Variants in CACNA2D1 observed in about 807,000 individuals in gnomAD.
The protein encoded by CACNA2D1 is voltage-dependent calcium channel subunit alpha-2/delta-1.
In CACNA2D1, 53 loss-of-function variants were observed where a neutral mutation model predicts 171.5. The ratio of observed to expected loss-of-function variants is 0.31; its 90% CI spans 0.25 to 0.39. The LOEUF is 0.39. Ranked by LOEUF, CACNA2D1 falls within the 10% of genes least tolerant of loss-of-function variation. The probability of loss-of-function intolerance (pLI) is 1.00; values close to 1 mark genes in which losing one functional copy is unlikely to be tolerated. For synonymous variants in CACNA2D1, 442 were observed against 443.1 expected (o/e 1.00, Z 0.03); for missense variants, 903 against 1,299.8 (o/e 0.69, Z 4.69).
At chr7:81,951,464 T>G (rs539651060) in intron 38 of CACNA2D1, among the ~76,000 whole-genome samples, 1 of 152,182 alleles carries the variant, frequency 6.6e-6, no homozygotes, top group Non-Finnish European at 1.5e-5. Flanking sequence ...CAATGTACAA[T>G]GCACCGAATG....
chr7:82,173,660 T>A (rs1188041029), intron 3 of CACNA2D1, among the ~76,000 whole-genome samples: 1 of 152,072 alleles, frequency 6.6e-6, no homozygotes, highest in Non-Finnish European at 1.5e-5. Context: ...CTAGACACTT[T>A]AAGCCTTTAA....
chr7:82,437,576 G>T (rs1830199931), intron 1 of CACNA2D1, among the ~76,000 whole-genome samples: 1 of 152,010 alleles, frequency 6.6e-6, no homozygotes, highest in African/African-American at 2.4e-5. Context: ...TATTCAAAGA[G>T]AACTTCAAAT....
At chr7:82,176,515 A>T (rs1796553781) in intron 3 of CACNA2D1, among the ~76,000 whole-genome samples, 1 of 151,994 alleles carries the variant, frequency 6.6e-6, no homozygotes, top group South Asian at 2.1e-4. Context: ...GTTTCTATAA[A>T]GAAATATTAT....
intron 3 of CACNA2D1, among the ~76,000 whole-genome samples, chr7:82,322,994 A>G (rs1816184279): frequency 1.3e-5 from 2 of 152,362 alleles, no homozygotes; most frequent in South Asian, 4.1e-4. Context: ...AGAGATTAAA[A>G]AACAAAGTTA....
At chr7:82,422,585 G>A (rs1046864655) in intron 1 of CACNA2D1, among the ~76,000 whole-genome samples, 2 of 152,050 alleles carry the variant, frequency 1.3e-5, no homozygotes, top group Admixed American at 6.6e-5. Context: ...CCCCTCAAGA[G>A]AGTCTTGAAA....
intron 25 of CACNA2D1, among the ~76,000 whole-genome samples, chr7:81,973,518 C>G (rs1157907181): frequency 2.0e-5 from 3 of 151,698 alleles, no homozygotes; most frequent in Non-Finnish European, 4.4e-5. Flanking sequence ...AGTGCTTTGA[C>G]CCTTCCTAAT....
intron 38 of CACNA2D1, among the ~76,000 whole-genome samples, chr7:81,958,185 A>G (rs1257419893): frequency 6.6e-6 from 1 of 152,068 alleles, no homozygotes; most frequent in Non-Finnish European, 1.5e-5. Flanking sequence ...ACTGGGATTG[A>G]CTGGCTAATA....
chr7:82,247,962 A>T (rs1377933406), intron 3 of CACNA2D1, among the ~76,000 whole-genome samples: 1 of 152,184 alleles, frequency 6.6e-6, no homozygotes, highest in East Asian at 1.9e-4. Context: ...TGAAACCAGG[A>T]AATAACACAA....
intron 6 of CACNA2D1, among the ~76,000 whole-genome samples, chr7:82,095,396 G>C (rs1811733392): frequency 6.6e-6 from 1 of 151,966 alleles, no homozygotes; most frequent in Non-Finnish European, 1.5e-5. Flanking sequence ...CTATTATACT[G>C]GGTAGGGTAG....
At chr7:82,220,113 G>C (rs1801584637) in intron 3 of CACNA2D1, among the ~76,000 whole-genome samples, 2 of 152,250 alleles carry the variant, frequency 1.3e-5, no homozygotes, top group Non-Finnish European at 2.9e-5. Flanking sequence ...CTTCAAAACA[G>C]AGGGCACGCA....
Position 82,050,708 on chromosome 7 carries a change from C to A in CACNA2D1, c.879+9720G>T, listed in dbSNP as rs555179293. On this transcript the variant is annotated intron_variant, in intron 10 of 38. Coordinates refer to ENST00000356860, the MANE Select transcript of CACNA2D1 (RefSeq NM_000722.4). ...GAAAGATTCATAAAGAAATGTCTCC[C>A]AACAGTTGGTGGAAAAATGTTGGAA... The A allele has an allele frequency of 8.0e-5, 55 of 690,616 alleles. 1 individual carries two copies. In the Admixed American group the frequency reaches 8.0e-4, roughly 10 times the overall value. 42.8% of individuals were successfully genotyped at this position (690,616 alleles called of 1,614,324 possible).
At chr7:82,308,225 C>T (rs1445461936) in intron 3 of CACNA2D1, among the ~76,000 whole-genome samples, 1 of 152,172 alleles carries the variant, frequency 6.6e-6, no homozygotes, top group African/African-American at 2.4e-5. Flanking sequence ...ACCCAGTTCC[C>T]TTTAATCATT....
intron 3 of CACNA2D1, among the ~76,000 whole-genome samples, chr7:82,266,032 T>G (rs1807797756): frequency 6.6e-6 from 1 of 152,146 alleles, no homozygotes; most frequent in Admixed American, 6.5e-5. Context: ...GATGGCAAAT[T>G]TATTTGTGTA....
intron 21 of CACNA2D1, among the ~76,000 whole-genome samples, chr7:81,989,474 T>C (rs1195731225): frequency 6.6e-6 from 1 of 152,194 alleles, no homozygotes; most frequent in Non-Finnish European, 1.5e-5. Flanking sequence ...ACTTCTATTT[T>C]TCTCCGTGAA....
At chr7:82,381,136 C>T (rs1823661177) in intron 1 of CACNA2D1, among the ~76,000 whole-genome samples, 1 of 151,842 alleles carries the variant, frequency 6.6e-6, no homozygotes, top group Non-Finnish European at 1.5e-5. Flanking sequence ...CACGGTGAAA[C>T]CCCATCTCTA....
At chr7:82,212,015 C>A (rs1250559693) in intron 3 of CACNA2D1, among the ~76,000 whole-genome samples, 1 of 152,094 alleles carries the variant, frequency 6.6e-6, no homozygotes, top group African/African-American at 2.4e-5. Context: ...TTGTTGACCA[C>A]GTGTATATCT....
Position 82,349,556 on chromosome 7 carries a change from G to A in CACNA2D1, c.177+12C>T, listed in dbSNP as rs370824986. 3 of 1,604,300 alleles carry A rather than the reference G, an allele frequency of 1.9e-6. No individual in the cohort carries two copies. The highest frequency in any genetic ancestry group is 2.7e-5 in the African/African-American group (2 of 74,704). On this transcript the variant is annotated intron_variant, in intron 2 of 38. Transcript: ENST00000356860. Reference sequence around the variant, plus strand: ...AAAAGATTAAGAAATCTCTTTGGTGGATTTTACTCACATCAACAAGCTGAT... The same window carrying A: ...AAAAGATTAAGAAATCTCTTTGGTGAATTTTACTCACATCAACAAGCTGAT...
chr7:82,024,913 T>C (rs112834319), intron 12 of CACNA2D1, among the ~76,000 whole-genome samples: 275 of 151,720 alleles, frequency 1.8e-3, no homozygotes, highest in African/African-American at 6.5e-3. Flanking sequence ...GAAACCATTA[T>C]GTATTGTTTG....
intron 11 of CACNA2D1, among the ~76,000 whole-genome samples, chr7:82,035,696 G>A (rs990610343): frequency 2.0e-5 from 3 of 152,010 alleles, no homozygotes; most frequent in African/African-American, 2.4e-5. Flanking sequence ...ACCTAAACAG[G>A]AGGCAATGAA....
Sources: gnomAD v4.1 joint callset for allele counts (sites outside exome capture counted in the v4.1 genomes callset) on GRCh38, gnomAD v4.1.1 for gene constraint, MANE v1.5 for transcripts, NCBI Gene and HGNC (gene_info 2026-07-23, HGNC 2026-07-21) for gene names.